Variants in CRPPA observed in about 807,000 individuals in gnomAD.
CRPPA encodes CDP-L-ribitol pyrophosphorylase A.
A neutral mutation model predicts 52.0 loss-of-function variants in CRPPA; 43 were observed. The ratio of observed to expected loss-of-function variants is 0.83; its 90% CI spans 0.65 to 1.07. CRPPA has a LOEUF of 1.07. Ranked by LOEUF, CRPPA falls within the 50% of genes least tolerant of loss-of-function variation. CRPPA has a pLI of 0.00. For missense variants in CRPPA, 629 were observed against 551.7 expected (o/e 1.14, Z -1.40); for synonymous variants, 250 against 203.5 (o/e 1.23, Z -1.94).
At chr7:16,341,851 C>T (rs2526603) in intron 3 of CRPPA, among the ~76,000 whole-genome samples, 55,859 of 151,964 alleles carry the variant, frequency 0.37, 10,790 homozygotes, top group African/African-American at 0.49. Flanking sequence ...ATTAGCTTTT[C>T]CACTATTTCT....
At chr7:16,376,824 G>T (rs1312403097) in intron 2 of CRPPA, among the ~76,000 whole-genome samples, 1 of 152,180 alleles carries the variant, frequency 6.6e-6, no homozygotes, top group Non-Finnish European at 1.5e-5. Context: ...TATGATGAAA[G>T]TTCTCTCAAT....
At chr7:16,226,521 G>A (rs1454223966) in intron 8 of CRPPA, among the ~76,000 whole-genome samples, 2 of 151,714 alleles carry the variant, frequency 1.3e-5, no homozygotes, top group Non-Finnish European at 3.0e-5. Context: ...GTCTACAAGT[G>A]CACTGTACAC....
Position 16,286,062 on chromosome 7 carries a change from T to TTTAAAAAAAAA in CRPPA, c.836-7837_836-7836insTTTTTTTTTAA, listed in dbSNP as rs1562608492. 6.2e-4 allele frequency among the ~76,000 whole-genome samples: 20 copies of TTTAAAAAAAAA among 32,360 alleles called. 1 individual carries two copies. The highest frequency in any genetic ancestry group is 1.6e-3 in the African/African-American group (8 of 4,952). 21.2% of individuals were successfully genotyped at this position (32,360 alleles called of 152,430 possible). ...AAATATAAATATATATATATATATA[T>TTTAAAAAAAAA]ATATATATATATATATATAATATTT... On this transcript the variant is annotated intron_variant, in intron 5 of 9. Coordinates refer to ENST00000407010, the MANE Select transcript of CRPPA (RefSeq NM_001101426.4).
intron 9 of CRPPA, among the ~76,000 whole-genome samples, chr7:16,209,491 C>T (rs774784145): frequency 1.4e-4 from 22 of 152,022 alleles, no homozygotes; most frequent in Non-Finnish European, 2.5e-4. Context: ...AGATTGGTCT[C>T]GAACTCCTGA....
In CRPPA at chr7:16,340,605, AAAAAAAAAAAG is replaced by A. The variant is rs1323575602; in HGVS notation, c.685-31989_685-31979del. Among the ~76,000 whole-genome samples, 816 of 109,554 alleles carry A rather than the reference AAAAAAAAAAAG, an allele frequency of 7.4e-3. 9 individuals are homozygous for A. The highest frequency in any genetic ancestry group is 0.026 in the African/African-American group (719 of 27,968). 71.9% of individuals were successfully genotyped at this position (109,554 alleles called of 152,430 possible). On this transcript the variant is annotated intron_variant, in intron 3 of 9. Coordinates refer to ENST00000407010, the MANE Select transcript of CRPPA (RefSeq NM_001101426.4). ...AAATTGCTGGCAATAATGTGGAGCA[AAAAAAAAAAAG>A]AAAAAAAAAACGAAAAAACCAAAAC...
intron 9 of CRPPA, among the ~76,000 whole-genome samples, chr7:16,205,254 T>C (rs896925549): frequency 2.6e-5 from 4 of 152,172 alleles, no homozygotes; most frequent in Non-Finnish European, 5.9e-5. Flanking sequence ...CCAATTAACC[T>C]GATGTAACCC....
intron 9 of CRPPA, among the ~76,000 whole-genome samples, chr7:16,132,012 A>C (rs1782690028): frequency 6.6e-6 from 1 of 152,192 alleles, no homozygotes; most frequent in South Asian, 2.1e-4. Flanking sequence ...TACTGCAAAC[A>C]GCTTCCATTA....
chr7:16,155,941 G>C (rs572659084), intron 9 of CRPPA, among the ~76,000 whole-genome samples: 54 of 152,128 alleles, frequency 3.5e-4, no homozygotes, highest in African/African-American at 1.3e-3. Flanking sequence ...CTGCTATCCA[G>C]GATATGGCAG....
chr7:16,129,717 T>C (rs963640452), intron 9 of CRPPA, among the ~76,000 whole-genome samples: 4 of 152,204 alleles, frequency 2.6e-5, no homozygotes, highest in South Asian at 2.1e-4. Context: ...AGTAAAAGTA[T>C]AAGGAATAGA....
intron 9 of CRPPA, among the ~76,000 whole-genome samples, chr7:16,191,293 A>G (rs544607747): frequency 6.6e-6 from 1 of 152,136 alleles, no homozygotes; most frequent in Non-Finnish European, 1.5e-5. Flanking sequence ...CTCGCAGACC[A>G]TACCACTAAG....
At chr7:16,323,448 G>T (rs1785306621) in intron 3 of CRPPA, among the ~76,000 whole-genome samples, 1 of 152,114 alleles carries the variant, frequency 6.6e-6, no homozygotes, top group East Asian at 1.9e-4. Context: ...AAGAGGCCTT[G>T]TATGTTTCTA....
At chr7:16,186,377 A>C (rs1328517332) in intron 9 of CRPPA, among the ~76,000 whole-genome samples, 5 of 152,162 alleles carry the variant, frequency 3.3e-5, no homozygotes, top group Non-Finnish European at 2.9e-5. Context: ...CTTTTCCGCC[A>C]CGTGCGTGTA....
Position 16,226,666 on chromosome 7 carries a change from A to G in CRPPA, c.1120-10469T>C, listed in dbSNP as rs150597599. The stretch of plus-strand genomic sequence containing the variant: ...TTAGATAGTGGCTACCACATATAAA[A>G]GAAATACAACTTTTTGTTAATTTTC... On this transcript the variant is annotated intron_variant, in intron 8 of 9. Coordinates refer to ENST00000407010, the MANE Select transcript of CRPPA (RefSeq NM_001101426.4). Among the ~76,000 whole-genome samples, 18 of 152,106 alleles carry G rather than the reference A, an allele frequency of 1.2e-4. No homozygotes were observed. The East Asian group carries it at 2.3e-3, about 20-fold the overall frequency.
chr7:16,405,100 A>AG (rs1291223128), intron 2 of CRPPA, among the ~76,000 whole-genome samples: 7 of 151,556 alleles, frequency 4.6e-5, no homozygotes, highest in Admixed American at 2.6e-4. Context: ...TAGGTTTTAA[A>AG]GGGGAAAAAA....
rs1047452129 is a variant in CRPPA at position 16,088,884 on chromosome 7, G to C, written c.*2811C>G. The stretch of plus-strand genomic sequence containing the variant: ...GTGTCCCACCCTTCTTGTCCATTTC[G>C]CCAATGTTCATTCAGTGCCTCTGGC... On this transcript the variant is annotated 3_prime_UTR_variant, in exon 10 of 10. Transcript: ENST00000407010. 5.7e-6 allele frequency: 1 copy of C among 176,602 alleles called. No individual in the cohort carries two copies. The highest frequency in any genetic ancestry group is 1.2e-5 in the Non-Finnish European group (1 of 80,900). 10.9% of individuals were successfully genotyped at this position (176,602 alleles called of 1,614,324 possible).
Position 16,216,138 on chromosome 7 carries a change from C to G in CRPPA, c.1179G>C (p.Gln393His), listed in dbSNP as rs1447726319. Residue 393 changes from glutamine (Q) to histidine (H), a missense_variant, in exon 9 of 10, where the codon CAG becomes CAC. Coordinates refer to ENST00000407010, the MANE Select transcript of CRPPA (RefSeq NM_001101426.4). ...TTACTTCCTTTGCAAATTCTCTAAT[C>G]TGCATTAGGTTTTCCATTTTCTGAC... ...PPSQKMENLM[Q>H]IREFAKEVKE... The G allele has an allele frequency of 1.3e-6, 2 of 1,592,238 alleles. No individual in the cohort carries two copies. Among genetic ancestry groups the G allele is most frequent in the Non-Finnish European group, 1.7e-6 (2 of 1,162,288 alleles).
intron 3 of CRPPA, among the ~76,000 whole-genome samples, chr7:16,333,753 T>G (rs1785613689): frequency 6.6e-6 from 1 of 152,244 alleles, no homozygotes; most frequent in Non-Finnish European, 1.5e-5. Flanking sequence ...TCTCCCCCAA[T>G]TTCACAAACA....
At chr7:16,314,585 T>C (rs1785103443) in intron 3 of CRPPA, among the ~76,000 whole-genome samples, 1 of 152,080 alleles carries the variant, frequency 6.6e-6, no homozygotes, top group South Asian at 2.1e-4. Flanking sequence ...GAACATTTTT[T>C]TACAAGGCAG....
intron 2 of CRPPA, among the ~76,000 whole-genome samples, chr7:16,394,032 T>C (rs1294906842): frequency 1.3e-5 from 2 of 152,080 alleles, no homozygotes; most frequent in East Asian, 1.9e-4. Context: ...CTATATCAAG[T>C]AGTGGTGAGG....
Sources: gnomAD v4.1 joint callset for allele counts (sites outside exome capture counted in the v4.1 genomes callset) on GRCh38, gnomAD v4.1.1 for gene constraint, MANE v1.5 for transcripts, NCBI Gene and HGNC (gene_info 2026-07-23, HGNC 2026-07-21) for gene names.